FOXK2: variants seen among roughly 807,000 people sequenced by gnomAD.
FOXK2 encodes forkhead box K2.
FOXK2 carries 24 observed loss-of-function variants against 53.3 expected under a neutral mutation model. That is an observed-to-expected ratio of 0.45 (90% CI 0.33 to 0.63). The LOEUF (loss-of-function observed/expected upper bound fraction) is 0.63, where lower values mean the gene tolerates loss of function less well. Ranked by LOEUF, FOXK2 falls within the 30% of genes least tolerant of loss-of-function variation. The pLI is 0.03. For synonymous variants in FOXK2, 505 were observed against 407.1 expected (o/e 1.24, Z -2.89); for missense variants, 952 against 910.5 (o/e 1.05, Z -0.59).
At position 82,568,111 on chromosome 17, in the gene FOXK2, G is replaced by A. The variant is rs892411763; in HGVS notation, c.672G>A (p.Val224=). The A allele has an allele frequency of 1.9e-6, 3 of 1,613,912 alleles. No individual in the cohort carries two copies. The highest frequency in any genetic ancestry group is 2.5e-6 in the Non-Finnish European group (3 of 1,180,022). Residue 224 remains valine, a synonymous_variant, in exon 3 of 9, where the codon GTG becomes GTA. Transcript: ENST00000335255. ...GAGCGGGGTCTTCAGGGTACAAGGTGGGCCGAGTGATGCCATCTGACCTCA... is the reference window on the plus strand; with the variant it reads ...GAGCGGGGTCTTCAGGGTACAAGGTAGGCCGAGTGATGCCATCTGACCTCA... The part of the protein sequence containing the change: ...PRGAGSSGYK[V]GRVMPSDLNL...
intron 4 of FOXK2, among the ~76,000 whole-genome samples, chr17:82,581,696 C>T (rs1485881313): frequency 1.3e-5 from 2 of 152,008 alleles, no homozygotes; most frequent in African/African-American, 4.8e-5. Context: ...AGGATGGTCT[C>T]GATCTCCTGA....
At chr17:82,560,463 G>A (rs1000114848) in intron 1 of FOXK2, among the ~76,000 whole-genome samples, 15 of 152,208 alleles carry the variant, frequency 9.9e-5, no homozygotes, top group African/African-American at 3.6e-4. Flanking sequence ...GTCTCACTGT[G>A]TGGCGCAGGC....
chr17:82,587,512 A>C, intron 8 of FOXK2: 1 of 541,584 alleles, frequency 1.8e-6, no homozygotes, highest in East Asian at 3.2e-5. Flanking sequence ...ATTGAGAGGG[A>C]AAAATACTCT....
intron 2 of FOXK2, among the ~76,000 whole-genome samples, chr17:82,566,468 A>C (rs926931580): frequency 2.0e-5 from 3 of 152,116 alleles, no homozygotes. Flanking sequence ...GAGTGGGCCA[A>C]ATAGTAAGTG....
intron 8 of FOXK2, among the ~76,000 whole-genome samples, chr17:82,598,126 A>G (rs1466251970): frequency 1.4e-5 from 2 of 145,992 alleles, no homozygotes; most frequent in Non-Finnish European, 1.6e-5. Flanking sequence ...TTGAAACCGT[A>G]TTGTTGACTC....
At chr17:82,552,447 C>T (rs1166025448) in intron 1 of FOXK2, among the ~76,000 whole-genome samples, 1 of 152,210 alleles carries the variant, frequency 6.6e-6, no homozygotes, top group African/African-American at 2.4e-5. Flanking sequence ...CTCCAGGCTT[C>T]ACCCACCGTC....
At chr17:82,545,032 C>T (rs746140555) in intron 1 of FOXK2, among the ~76,000 whole-genome samples, 1 of 152,126 alleles carries the variant, frequency 6.6e-6, no homozygotes, top group Non-Finnish European at 1.5e-5. Context: ...TCGGACCTGT[C>T]ATCTGTTCTT....
chr17:82,570,829 C>T (rs1742776055), intron 3 of FOXK2, among the ~76,000 whole-genome samples: 1 of 152,154 alleles, frequency 6.6e-6, no homozygotes, highest in South Asian at 2.1e-4. Context: ...TTCAAGTTGT[C>T]ACTATGACAG....
At chr17:82,567,543 A>G (rs1330757422) in intron 2 of FOXK2, among the ~76,000 whole-genome samples, 2 of 152,162 alleles carry the variant, frequency 1.3e-5, no homozygotes, top group Non-Finnish European at 2.9e-5. Context: ...GCAGGTGTCC[A>G]TGTCCACGGC....
Position 82,587,497 on chromosome 17 carries a change from A to G in FOXK2, c.1786+225A>G, listed in dbSNP as rs1319524894. 5.3e-6 allele frequency: 3 copies of G among 569,586 alleles called. No individual in the cohort carries two copies. In the African/African-American group the frequency reaches 5.6e-5, roughly 11 times the overall value. 35.3% of individuals were successfully genotyped at this position (569,586 alleles called of 1,614,324 possible). A position where few individuals can be genotyped will look rare whatever the true frequency, so the allele number is the denominator to read the frequency against. The stretch of plus-strand genomic sequence containing the variant: ...TGCCTGAAAAGAGATGAGAGTTTCT[A>G]ATACATTGAGAGGGAAAAATACTCT... On this transcript the variant is annotated intron_variant, in intron 8 of 8. Coordinates refer to ENST00000335255, the MANE Select transcript of FOXK2 (RefSeq NM_004514.4).
In FOXK2 at chr17:82,519,983, C is replaced by T; in HGVS notation, c.95C>T (p.Pro32Leu). The T allele has an allele frequency of 3.0e-6, 4 of 1,322,426 alleles. No individual in the cohort carries two copies. Among genetic ancestry groups the T allele is most frequent in the Non-Finnish European group, 2.9e-6 (3 of 1,026,620 alleles). 81.9% of individuals were successfully genotyped at this position (1,322,426 alleles called of 1,614,324 possible). ...GGGGCCGGGGGCGGCGGGTCCCCGC[C>T]GGGCGGCTGGGCCGTGGCGCGCCTG... Reference protein sequence around the residue: ...GGGAGGGGSPPGGWAVARLEG... With the variant: ...GGGAGGGGSPLGGWAVARLEG... Residue 32 changes from proline to leucine, a missense_variant, in exon 1 of 9, where the codon CCG becomes CTG. By Grantham distance (98) the Pro-to-Leu change is moderately conservative. Transcript: ENST00000335255.
At chr17:82,525,266 T>C (rs2044405769) in intron 1 of FOXK2, among the ~76,000 whole-genome samples, 3 of 152,072 alleles carry the variant, frequency 2.0e-5, no homozygotes, top group East Asian at 1.9e-4. Flanking sequence ...GCCTCCTGGG[T>C]TCTGGGTTCA....
At chr17:82,529,165 G>T (rs1000483581) in intron 1 of FOXK2, among the ~76,000 whole-genome samples, 1 of 150,030 alleles carries the variant, frequency 6.7e-6, no homozygotes. Flanking sequence ...GATGATTCCT[G>T]CTTAAAACCT....
At chr17:82,590,954 C>T (rs544217351) in intron 8 of FOXK2, among the ~76,000 whole-genome samples, 3 of 152,308 alleles carry the variant, frequency 2.0e-5, no homozygotes, top group African/African-American at 7.2e-5. Context: ...GGGTTCCATC[C>T]TCACCCTGGC....
rs199716388 is a variant in FOXK2, at chr17:82,573,558, T to A, written c.909+1688T>A. Among the ~76,000 whole-genome samples the A allele has an allele frequency of 1.3e-3, 119 of 90,716 alleles. 1 individual carries two copies. The highest frequency in any genetic ancestry group is 7.8e-3 in the East Asian group (16 of 2,058). 59.5% of individuals were successfully genotyped at this position (90,716 alleles called of 152,430 possible). Reference sequence around the variant, plus strand: ...CACACTCTCTCTCTCTCTCTCTCTCTCTCTCACACACACACACACACACAC... The same window carrying A: ...CACACTCTCTCTCTCTCTCTCTCTCACTCTCACACACACACACACACACAC... On this transcript the variant is annotated intron_variant, in intron 4 of 8. Coordinates refer to ENST00000335255, the MANE Select transcript of FOXK2 (RefSeq NM_004514.4).
At position 82,571,852 on chromosome 17, in the gene FOXK2, T is replaced by G. The variant is rs1253603330; in HGVS notation, c.891T>G (p.Thr297=). The change falls in exon 4 of 9, where the codon ACT becomes ACG. Residue 297 remains threonine (T), a synonymous_variant. Coordinates refer to ENST00000335255, the MANE Select transcript of FOXK2 (RefSeq NM_004514.4). ...HITKNYPYYR[T]ADKGWQNSIR... ...CTAAAAATTATCCCTACTACAGGAC[T>G]GCGGACAAGGGCTGGCAGGTAAATG... 6.3e-7 allele frequency: 1 copy of G among 1,577,046 alleles called. No homozygotes were observed. The highest frequency in any genetic ancestry group is 8.6e-7 in the Non-Finnish European group (1 of 1,166,040).
At chr17:82,575,383 G>A (rs2044970336) in intron 4 of FOXK2, among the ~76,000 whole-genome samples, 1 of 152,168 alleles carries the variant, frequency 6.6e-6, no homozygotes, top group Non-Finnish European at 1.5e-5. Context: ...ATTCGTAGGT[G>A]CCCAGTCAAA....
At position 82,601,548 on chromosome 17, in the gene FOXK2, G is replaced by A. The variant is rs2045385537; in HGVS notation, c.*49G>A. ...CGATATCAACTCTGTGGTGCCAAAAGGAGACGCGGCCTCCCGCCAGCACTC... is the reference window on the plus strand; with the variant it reads ...CGATATCAACTCTGTGGTGCCAAAAAGAGACGCGGCCTCCCGCCAGCACTC... On this transcript the variant is annotated 3_prime_UTR_variant, in exon 9 of 9. Transcript: ENST00000335255. The A allele has an allele frequency of 1.3e-6, 2 of 1,530,656 alleles. No individual in the cohort carries two copies. The highest frequency in any genetic ancestry group is 1.4e-5 in the African/African-American group (1 of 73,152). The allele number at this position is 1,530,656 out of a possible 1,614,324, so 94.8% of individuals were successfully genotyped here.
chr17:82,601,222 G>A (rs1211277651), intron 8 of FOXK2, 81 bp from the exon 9 acceptor site: 1 of 1,433,406 alleles, frequency 7.0e-7, no homozygotes, highest in Non-Finnish European at 9.6e-7. Context: ...GACTCGCGAG[G>A]GTTCACGTGA....
Sources: allele counts gnomAD v4.1 joint callset (sites outside exome capture counted in the v4.1 genomes callset), GRCh38; gene constraint gnomAD v4.1.1; transcripts MANE v1.5; gene names NCBI Gene and HGNC (gene_info 2026-07-23, HGNC 2026-07-21).